The following F11 variants were observed in gnomAD, a reference collection of about 807,000 sequenced individuals.
F11 encodes coagulation factor XI.
Under a neutral mutation model 76.5 loss-of-function variants are expected in F11, and 78 were observed. The ratio of observed to expected loss-of-function variants is 1.02; its 90% CI spans 0.85 to 1.23. F11 has a LOEUF of 1.23. F11 is among the 50% of genes most tolerant of loss of function. The probability of loss-of-function intolerance (pLI) is 0.00; values close to 1 mark genes in which losing one functional copy is unlikely to be tolerated. For synonymous variants in F11, 278 were observed against 276.3 expected (o/e 1.01, Z -0.06); for missense variants, 742 against 771.4 (o/e 0.96, Z 0.45).
intron 1 of F11, among the ~76,000 whole-genome samples, chr4:186,266,506 T>C (rs1030387105): frequency 2.0e-5 from 3 of 152,356 alleles, no homozygotes; most frequent in Non-Finnish European, 4.4e-5. Context: ...CAGTGTCTAC[T>C]CAGTAACAAG....
In F11 at chr4:186,272,904, A is replaced by G. The variant is rs1379170463; in HGVS notation, c.219-167A>G. ...CATGCAGTCTCTTAAGTGTAGGGAT[A>G]TTGAAGTAAAAAACAAACTCAGAAT... On this transcript the variant is annotated intron_variant, in intron 3 of 14. Transcript: ENST00000403665. 6.8e-6 allele frequency: 4 copies of G among 587,372 alleles called. No individual in the cohort carries two copies. In the African/African-American group the frequency reaches 7.5e-5, roughly 11 times the overall value. The allele number at this position is 587,372 out of a possible 1,614,324, so 36.4% of individuals were successfully genotyped here.
chr4:186,278,706 C>T (rs1740562325), intron 7 of F11, among the ~76,000 whole-genome samples: 1 of 152,138 alleles, frequency 6.6e-6, no homozygotes, highest in African/African-American at 2.4e-5. Context: ...ATGCCCTTGG[C>T]TCATCTAGGG....
At chr4:186,283,352 G>T (rs1740937010) in intron 10 of F11, among the ~76,000 whole-genome samples, 1 of 152,058 alleles carries the variant, frequency 6.6e-6, no homozygotes, top group Admixed American at 6.6e-5. Context: ...TCTTGTGTCG[G>T]GCATCCAGTA....
At chr4:186,288,419 T>A (rs1012510296) in intron 14 of F11, 34 bp from the exon 15 acceptor site, 7 of 1,613,802 alleles carry the variant, frequency 4.3e-6, no homozygotes, top group Middle Eastern at 1.7e-4. Context: ...TCTGAGTTGA[T>A]CTGTGCACCT....
chr4:186,276,677 C>T (rs768984837), intron 7 of F11, among the ~76,000 whole-genome samples: 9 of 151,108 alleles, frequency 6.0e-5, no homozygotes, highest in Non-Finnish European at 8.8e-5. Flanking sequence ...ACCTTCGCCT[C>T]CCAGGTCCAA....
At position 186,281,821 on chromosome 4, in the gene F11, C is replaced by A. The variant is rs536458272; in HGVS notation, c.1135+1241C>A. The A allele has an allele frequency of 2.4e-5, 27 of 1,127,584 alleles. No individual in the cohort carries two copies. The South Asian group carries it at 4.8e-4, about 20-fold the overall frequency. The allele number at this position is 1,127,584 out of a possible 1,614,324, so 69.8% of individuals were successfully genotyped here. On this transcript the variant is annotated intron_variant, in intron 10 of 14. Coordinates refer to ENST00000403665, the MANE Select transcript of F11 (RefSeq NM_000128.4). Reference sequence around the variant, plus strand: ...AAAACATTCTGTGTCAGATTATCTGCTGTACCGAGAAGGCGAATCAATCCT... The same window carrying A: ...AAAACATTCTGTGTCAGATTATCTGATGTACCGAGAAGGCGAATCAATCCT...
At chr4:186,282,431 C>A (rs886276913) in intron 10 of F11, 34 of 985,360 alleles carry the variant, frequency 3.5e-5, no homozygotes, top group Non-Finnish European at 4.0e-5. Flanking sequence ...GGAATAGCTG[C>A]GTGAGATATT....
chr4:186,272,641 C>T (rs554487234), intron 3 of F11, among the ~76,000 whole-genome samples: 95 of 152,150 alleles, frequency 6.2e-4, no homozygotes, highest in Non-Finnish European at 1.0e-3. Context: ...CAGGGATTGG[C>T]AAATGTCTTC....
At chr4:186,277,617 G>GGA (rs150696701) in intron 7 of F11, among the ~76,000 whole-genome samples, 6 of 151,352 alleles carry the variant, frequency 4.0e-5, no homozygotes, top group Admixed American at 6.6e-5. Context: ...AACCCAAAGT[G>GGA]GAGAGAGAGA....
At chr4:186,282,550 A>T in intron 10 of F11, 1 of 985,436 alleles carries the variant, frequency 1.0e-6, no homozygotes, top group Non-Finnish European at 1.2e-6. Context: ...TTCTAAACAC[A>T]TATTTTCAGC....
chr4:186,278,311 T>G (rs1740532342), intron 7 of F11, among the ~76,000 whole-genome samples: 1 of 152,196 alleles, frequency 6.6e-6, no homozygotes, highest in South Asian at 2.1e-4. Context: ...TGAGCCTCAC[T>G]TTCCACTGAG....
At chr4:186,274,301 TG>T in intron 5 of F11, 26 bp downstream of exon 5, 1 of 1,614,006 alleles carries the variant, frequency 6.2e-7, no homozygotes, top group Non-Finnish European at 8.5e-7. Context: ...GACATTCGAG[TG>T]GTCGATGAAA....
chr4:186,285,959 T>C, intron 12 of F11, 146 bp downstream of exon 12: 1 of 908,528 alleles, frequency 1.1e-6, no homozygotes, highest in Admixed American at 1.9e-5. Flanking sequence ...AGTCATTCAC[T>C]CTGCTAAGGC....
At chr4:186,278,721 G>A (rs1054272141) in intron 7 of F11, among the ~76,000 whole-genome samples, 2 of 152,202 alleles carry the variant, frequency 1.3e-5, no homozygotes, top group Non-Finnish European at 2.9e-5. Context: ...CTAGGGCAAA[G>A]GGTTGAATTG....
Position 186,276,295 on chromosome 4 carries a change from T to C in F11, c.660T>C (p.Ala220=), listed in dbSNP as rs772852978. Residue 220 remains alanine, a synonymous_variant, in exon 7 of 15, where the codon GCT becomes GCC. Coordinates refer to ENST00000403665, the MANE Select transcript of F11 (RefSeq NM_000128.4). ...FADSNIDSVM[A]PDAFVCGRIC... ...ACAGCAACATCGACAGTGTCATGGC[T>C]CCCGATGCTTTTGTCTGTGGCCGAA... 17 of 1,614,176 alleles carry C rather than the reference T, an allele frequency of 1.1e-5. No homozygotes were observed. Among genetic ancestry groups the C allele is most frequent in the Non-Finnish European group, 1.4e-5 (17 of 1,180,026 alleles).
In F11 at chr4:186,285,778, C is replaced by T. The variant is rs377394744; in HGVS notation, c.1445C>T (p.Ala482Val). ...YKMAESGYDI[A>V]LLKLETTVNY... ...ATGGCAGAAAGCGGGTATGATATTG[C>T]CTTGTTGAAACTGGAAACCACAGTG... The change falls in exon 12 of 15, where the codon GCC becomes GTC. Residue 482 changes from alanine (A) to valine (V), a missense_variant. By Grantham distance (64) the Ala-to-Val change is moderately conservative (BLOSUM62 0). Coordinates refer to ENST00000403665, the MANE Select transcript of F11 (RefSeq NM_000128.4). The T allele has an allele frequency of 1.9e-6, 3 of 1,613,986 alleles. No individual in the cohort carries two copies. The highest frequency in any genetic ancestry group is 2.5e-6 in the Non-Finnish European group (3 of 1,180,020).
Position 186,288,629 on chromosome 4 carries a change from G to A in F11, c.*15G>A, listed in dbSNP as rs1741393312. 1 of 1,611,506 alleles carries A rather than the reference G, an allele frequency of 6.2e-7. No individual in the cohort carries two copies. The highest frequency in any genetic ancestry group is 1.1e-5 in the South Asian group (1 of 90,742). On this transcript the variant is annotated 3_prime_UTR_variant, in exon 15 of 15. Coordinates refer to ENST00000403665, the MANE Select transcript of F11 (RefSeq NM_000128.4). Reference sequence around the variant, plus strand: ...AAGCAGTGTGAATGGGTTCCCAGGGGCCATTGGAGTCCCTGAAGGACCCAG... The same window carrying A: ...AAGCAGTGTGAATGGGTTCCCAGGGACCATTGGAGTCCCTGAAGGACCCAG...
intron 7 of F11, among the ~76,000 whole-genome samples, chr4:186,276,852 G>A (rs906486449): frequency 6.6e-6 from 1 of 152,066 alleles, no homozygotes; most frequent in Non-Finnish European, 1.5e-5. Flanking sequence ...GCCTCCCAAA[G>A]TGCTGAGATT....
intron 2 of F11, among the ~76,000 whole-genome samples, chr4:186,270,371 G>A (rs1195955518): frequency 6.6e-6 from 1 of 152,118 alleles, no homozygotes; most frequent in Non-Finnish European, 1.5e-5. Context: ...CGTGTGCAGA[G>A]TTTTTTTCCA....
Sources: gnomAD v4.1 joint callset for allele counts (sites outside exome capture counted in the v4.1 genomes callset) on GRCh38, gnomAD v4.1.1 for gene constraint, MANE v1.5 for transcripts, NCBI Gene and HGNC (gene_info 2026-07-23, HGNC 2026-07-21) for gene names.